SPG11: variants seen among roughly 807,000 people sequenced by gnomAD.
The protein encoded by SPG11 is SPG11 vesicle trafficking associated, spatacsin.
A neutral mutation model predicts 274.0 loss-of-function variants in SPG11; 222 were observed. The observed-to-expected ratio is 0.81, with a 90% CI of 0.73 to 0.91. SPG11 has a LOEUF of 0.91. Among genes scored for constraint, SPG11 ranks in the 40% least tolerant of loss-of-function variants. SPG11 has a pLI of 0.00. For missense variants in SPG11, 3,114 were observed against 2,872.7 expected, an observed-to-expected ratio of 1.08 and a Z score of -1.92; for synonymous variants, 1,144 against 1,039.7, an observed-to-expected ratio of 1.10 and a Z score of -1.93.
chr15:44,572,980 C>CTTTTTTTT (rs974510197), intron 32 of SPG11, among the ~76,000 whole-genome samples, 160 bp from the exon 33 acceptor site: 10 of 83,300 alleles, frequency 1.2e-4, no homozygotes, highest in Non-Finnish European at 1.4e-4. Context: ...GACAGGAGTT[C>CTTTTTTTT]TTTTTTTTTT....
chr15:44,582,346 A>G (rs995991865), intron 30 of SPG11, among the ~76,000 whole-genome samples: 6 of 152,178 alleles, frequency 3.9e-5, no homozygotes, highest in African/African-American at 1.4e-4. Context: ...TAAGGAGTTC[A>G]AGACCAGCCT....
chr15:44,599,085 T>G (rs1013005755), intron 21 of SPG11, among the ~76,000 whole-genome samples: 1 of 152,192 alleles, frequency 6.6e-6, no homozygotes, highest in Non-Finnish European at 1.5e-5. Flanking sequence ...TCTAAACTAT[T>G]CTTGCTTCCA....
Position 44,573,572 on chromosome 15 carries a change from C to G in SPG11, c.6180G>C (p.Glu2060Asp), listed in dbSNP as rs753980126. ...AELVAEEVTR[E>D]LLTSSQGTGH... ...CTGTTCCCTGTGATGAAGTAAGCAG[C>G]TCCCGTGTCACCTCTTCTGCCACGA... Residue 2060 changes from glutamate (E) to aspartate (D), a missense_variant, in exon 32 of 40, where the codon GAG becomes GAC. Coordinates refer to ENST00000261866, the MANE Select transcript of SPG11 (RefSeq NM_025137.4). 15 of 1,614,038 alleles carry G rather than the reference C, an allele frequency of 9.3e-6. No individual in the cohort carries two copies. Among genetic ancestry groups the G allele is most frequent in the Non-Finnish European group, 1.2e-5 (14 of 1,180,032 alleles).
chr15:44,636,432 A>G (rs555124265), intron 7 of SPG11, among the ~76,000 whole-genome samples: 90 of 151,952 alleles, frequency 5.9e-4, no homozygotes, highest in Non-Finnish European at 1.2e-3. Flanking sequence ...TTAAGAAAAA[A>G]AAAAAGGTAC....
In SPG11 at chr15:44,584,215, A is replaced by C. The variant is rs1451221992; in HGVS notation, c.5465T>G (p.Phe1822Cys). The change falls in exon 30 of 40, where the codon TTT (phenylalanine) becomes TGT (cysteine). Residue 1822 changes from phenylalanine to cysteine, a missense_variant. Coordinates refer to ENST00000261866, the MANE Select transcript of SPG11 (RefSeq NM_025137.4). ...ACCACTAGTTGAGATCTGTCGAGAA[A>C]ATCTGGGCTCTGTTTCCTCCTGATT... ...GRNQEETEPR[F>C]SRQISTSGEL... The C allele has an allele frequency of 6.2e-7, 1 of 1,614,210 alleles. No homozygotes were observed. The highest frequency in any genetic ancestry group is 2.2e-5 in the East Asian group (1 of 44,882).
chr15:44,652,865 C>T (rs989433120), intron 4 of SPG11, among the ~76,000 whole-genome samples: 2 of 152,046 alleles, frequency 1.3e-5, no homozygotes, highest in Admixed American at 1.3e-4. Context: ...ATATATTGGC[C>T]AAGCTGGTCT....
At chr15:44,628,913 A>G in intron 9 of SPG11, 69 bp from the exon 10 acceptor site, 1 of 1,443,828 alleles carries the variant, frequency 6.9e-7, no homozygotes, top group African/African-American at 1.4e-5. Flanking sequence ...TGTTATAAAG[A>G]ATTCTAAAGA....
chr15:44,619,849 A>C (rs1004932910), intron 15 of SPG11, among the ~76,000 whole-genome samples: 1 of 151,732 alleles, frequency 6.6e-6, no homozygotes, highest in African/African-American at 2.4e-5. Flanking sequence ...CAGCCTCCCA[A>C]GTAGTTGGGA....
chr15:44,563,216 T>C lies in SPG11; in HGVS notation c.7237A>G (p.Lys2413Glu), dbSNP rs1363316884. 2 of 1,614,058 alleles carry C rather than the reference T, an allele frequency of 1.2e-6. No homozygotes were observed. The highest frequency in any genetic ancestry group is 1.3e-5 in the African/African-American group (1 of 74,952). ...TAAAACTTGTGTTCGTATGCCAACT[T>C]GTAATACAGGTAAACATCTTCACAA... ...TYCEDVYLYY[K>E]LAYEHKFYEI... Residue 2413 changes from lysine to glutamate, a missense_variant, in exon 40 of 40, where the codon AAG (lysine) becomes GAG (glutamate). By Grantham distance (56) the Lys-to-Glu change is moderately conservative (BLOSUM62 1). Coordinates refer to ENST00000261866, the MANE Select transcript of SPG11 (RefSeq NM_025137.4).
chr15:44,626,528 G>A, intron 10 of SPG11, 21 bp from the exon 11 acceptor site: 5 of 1,612,166 alleles, frequency 3.1e-6, no homozygotes, highest in Non-Finnish European at 4.2e-6. Flanking sequence ...AAAAACGTTT[G>A]CCTTTTAAGT....
chr15:44,638,822 C>G (rs2084357336), intron 7 of SPG11, among the ~76,000 whole-genome samples: 1 of 151,954 alleles, frequency 6.6e-6, no homozygotes, highest in Non-Finnish European at 1.5e-5. Context: ...ATGGGGAAAC[C>G]CCACCTCTAT....
chr15:44,566,937 A>C (rs1389873371), intron 36 of SPG11, among the ~76,000 whole-genome samples: 2 of 152,012 alleles, frequency 1.3e-5, no homozygotes, highest in Admixed American at 6.5e-5. Context: ...TCCTGAGCTC[A>C]GGCAATCCAC....
intron 7 of SPG11, among the ~76,000 whole-genome samples, chr15:44,637,384 C>T (rs2084308776): frequency 6.6e-6 from 1 of 152,180 alleles, no homozygotes; most frequent in Admixed American, 6.6e-5. Context: ...CTCAAGCTCA[C>T]TCAGTGCAAC....
At chr15:44,638,566 A>G (rs955465446) in intron 7 of SPG11, among the ~76,000 whole-genome samples, 2 of 149,980 alleles carry the variant, frequency 1.3e-5, no homozygotes, top group African/African-American at 4.9e-5. Context: ...TATGTACATT[A>G]TATTTCCTAG....
chr15:44,637,265 A>C (rs1475190290), intron 7 of SPG11, among the ~76,000 whole-genome samples: 3 of 152,150 alleles, frequency 2.0e-5, no homozygotes, highest in Non-Finnish European at 4.4e-5. Context: ...TCAACAGTCT[A>C]ACTACTTCTG....
At position 44,592,346 on chromosome 15, in the gene SPG11, C is replaced by T; in HGVS notation, c.4728G>A (p.Gln1576=). ...KEAEAKLLEF[Q]KSLETLNTAA... is the part of the protein sequence containing the mutation. ...TCCAACTTACCGTTTCAAGGCTCTTCTGAAACTCCAGAAGTTTAGCTTCAG... is the reference window on the plus strand; with the variant it reads ...TCCAACTTACCGTTTCAAGGCTCTTTTGAAACTCCAGAAGTTTAGCTTCAG... The change falls in exon 27 of 40, where the codon CAG becomes CAA. Residue 1576 remains glutamine (Q), a synonymous_variant. Transcript: ENST00000261866. 4 of 1,605,524 alleles carry T rather than the reference C, an allele frequency of 2.5e-6. No homozygotes were observed. Among genetic ancestry groups the T allele is most frequent in the Non-Finnish European group, 3.4e-6 (4 of 1,172,320 alleles).
Position 44,572,704 on chromosome 15 carries a change from G to A in SPG11, c.6322C>T (p.Pro2108Ser), listed in dbSNP as rs1215626378. The A allele has an allele frequency of 3.1e-6, 5 of 1,614,048 alleles. No individual in the cohort carries two copies. The South Asian group carries it at 4.4e-5, about 14-fold the overall frequency. ...MKLLDKISSV[P>S]HGELSCTTEL... is the part of the protein sequence containing the mutation. ...TTACTGCAAGACAGTTCCCCATGGG[G>A]AACGGAGGAAATCTTATCCAACAAC... The change falls in exon 33 of 40, where the codon CCC becomes TCC. Residue 2108 changes from proline to serine, a missense_variant. Physicochemically the swap from Pro to Ser is moderately conservative, Grantham distance 74 (BLOSUM62 -1). Coordinates refer to ENST00000261866, the MANE Select transcript of SPG11 (RefSeq NM_025137.4).
Position 44,570,581 on chromosome 15 carries a change from C to T in SPG11, c.6421G>A (p.Ala2141Thr), listed in dbSNP as rs1181165937. The change falls in exon 34 of 40, where the codon GCC becomes ACC. Residue 2141 changes from alanine (A) to threonine (T), a missense_variant. Transcript: ENST00000261866. Reference protein sequence around the residue: ...HMEGIIRVLQAAHMLTDNHLA... With the variant: ...HMEGIIRVLQTAHMLTDNHLA... ...TGGTTATCTGTGAGCATGTGGGCGG[C>T]CTGTAGGACTCGGATGATGCCCTCC... is the stretch of plus-strand genomic sequence containing the variant. 1.2e-6 allele frequency: 2 copies of T among 1,614,124 alleles called. No individual in the cohort carries two copies. Among genetic ancestry groups the T allele is most frequent in the Admixed American group, 3.3e-5 (2 of 60,002 alleles).
At chr15:44,571,152 A>C (rs1263575625) in intron 33 of SPG11, among the ~76,000 whole-genome samples, 1 of 152,230 alleles carries the variant, frequency 6.6e-6, no homozygotes, top group Non-Finnish European at 1.5e-5. Context: ...CAAACTGGGA[A>C]AAACACCTGC....
Sources: gnomAD v4.1 joint callset for allele counts (sites outside exome capture counted in the v4.1 genomes callset) on GRCh38, gnomAD v4.1.1 for gene constraint, MANE v1.5 for transcripts, NCBI Gene and HGNC (gene_info 2026-07-23, HGNC 2026-07-21) for gene names.